Variants in RBMS3 observed in about 807,000 individuals in gnomAD.
The protein encoded by RBMS3 is RNA-binding motif, single-stranded-interacting protein 3.
A neutral mutation model predicts 66.8 loss-of-function variants in RBMS3; 27 were observed. That is an observed-to-expected ratio of 0.40 (90% confidence interval 0.30 to 0.56). The LOEUF is 0.56. RBMS3 is among the 20% of genes least tolerant of loss of function. The pLI is 0.40. For missense variants in RBMS3, 513 were observed against 549.5 expected (o/e 0.93, Z 0.66); for synonymous variants, 188 against 183.0 (o/e 1.03, Z -0.22).
intron 6 of RBMS3, among the ~76,000 whole-genome samples, chr3:29,852,050 C>A (rs139691283): frequency 1.3e-3 from 194 of 152,266 alleles, no homozygotes; most frequent in African/African-American, 4.4e-3. Context: ...TAATCTTCAA[C>A]AAAGCTGACA....
chr3:29,498,401 C>A (rs2148931962), intron 3 of RBMS3, among the ~76,000 whole-genome samples: 1 of 151,900 alleles, frequency 6.6e-6, no homozygotes, highest in East Asian at 1.9e-4. Flanking sequence ...TAATACATGG[C>A]AAATTGTATA....
chr3:29,645,180 T>C (rs1029226696), intron 4 of RBMS3, among the ~76,000 whole-genome samples: 6 of 152,196 alleles, frequency 3.9e-5, no homozygotes, highest in African/African-American at 1.4e-4. Context: ...AGGCTGCATA[T>C]TAAGAGCTTG....
intron 6 of RBMS3, among the ~76,000 whole-genome samples, chr3:29,788,565 A>T (rs927951985): frequency 6.6e-6 from 1 of 152,158 alleles, no homozygotes; most frequent in Non-Finnish European, 1.5e-5. Flanking sequence ...CTGTCACATT[A>T]CTTTTGATGA....
chr3:29,996,545 GAACAGAAATTAT>G (rs1194313629), intron 14 of RBMS3, among the ~76,000 whole-genome samples: 3 of 149,324 alleles, frequency 2.0e-5, no homozygotes, highest in African/African-American at 7.4e-5. Flanking sequence ...AAATGTAAAA[GAACAGAAATTAT>G]AACAAACTAT....
At chr3:29,769,651 A>G (rs1052104253) in intron 6 of RBMS3, among the ~76,000 whole-genome samples, 8 of 151,954 alleles carry the variant, frequency 5.3e-5, no homozygotes, top group African/African-American at 1.9e-4. Flanking sequence ...TGAATTTTCC[A>G]AACCAGAGTA....
chr3:29,712,328 T>A (rs2053207967), intron 4 of RBMS3, among the ~76,000 whole-genome samples: 1 of 152,088 alleles, frequency 6.6e-6, no homozygotes, highest in South Asian at 2.1e-4. Context: ...TTATTATTAT[T>A]TTGAGACAGG....
chr3:29,438,028 T>TTTTCTC lies in RBMS3; in HGVS notation c.248+3114_248+3115insTTCTCT, dbSNP rs146912044. ...AGGTCATTTGTAAAACCTTGCTTGT[T>TTTTCTC]TCTCTCTCTCTCTCTCTCTCTCTCT... On this transcript the variant is annotated intron_variant, in intron 2 of 14. Transcript: ENST00000383767. Among the ~76,000 whole-genome samples the TTTTCTC allele has an allele frequency of 6.3e-3, 904 of 142,546 alleles. 2 individuals carry two copies. The highest frequency in any genetic ancestry group is 8.8e-3 in the Non-Finnish European group (579 of 65,718). 93.5% of individuals were successfully genotyped at this position (142,546 alleles called of 152,430 possible).
At chr3:29,623,436 C>G (rs1252675294) in intron 4 of RBMS3, among the ~76,000 whole-genome samples, 1 of 151,356 alleles carries the variant, frequency 6.6e-6, no homozygotes, top group African/African-American at 2.4e-5. Context: ...ACTAAAAATA[C>G]AAAAAATTAG....
At chr3:29,349,653 G>A (rs553610171) in intron 1 of RBMS3, among the ~76,000 whole-genome samples, 1 of 152,222 alleles carries the variant, frequency 6.6e-6, no homozygotes, top group South Asian at 2.1e-4. Flanking sequence ...AGGCCATTTA[G>A]CTCTCTGTCA....
chr3:29,927,824 C>G (rs2060982095), intron 10 of RBMS3, among the ~76,000 whole-genome samples: 1 of 152,122 alleles, frequency 6.6e-6, no homozygotes, highest in South Asian at 2.1e-4. Context: ...CCAGACCTAC[C>G]TGTAGAAGCC....
intron 4 of RBMS3, chr3:29,642,708 G>A (rs1017179100): frequency 1.7e-4 from 26 of 152,204 alleles, no homozygotes; most frequent in African/African-American, 5.5e-4. Context: ...ATGGTCTCCA[G>A]AATAACTGGG....
intron 3 of RBMS3, among the ~76,000 whole-genome samples, chr3:29,558,096 C>T (rs1220590025): frequency 1.3e-5 from 2 of 152,000 alleles, no homozygotes; most frequent in Non-Finnish European, 2.9e-5. Context: ...AAAGGAGGTG[C>T]CGAGGGAGTC....
At chr3:29,379,621 A>G (rs2038664496) in intron 1 of RBMS3, among the ~76,000 whole-genome samples, 1 of 152,204 alleles carries the variant, frequency 6.6e-6, no homozygotes, top group Admixed American at 6.5e-5. Flanking sequence ...AGCACGGGAA[A>G]GACCTGTCTC....
chr3:29,725,386 T>C (rs1002398934), intron 4 of RBMS3, among the ~76,000 whole-genome samples: 3 of 151,944 alleles, frequency 2.0e-5, no homozygotes, highest in Non-Finnish European at 4.4e-5. Flanking sequence ...CTGAAGGAGA[T>C]AGAGACATGA....
rs1699748781 is a variant in RBMS3, at chr3:30,004,590, C to A, written c.*728C>A. On this transcript the variant is annotated 3_prime_UTR_variant, in exon 15 of 15. Transcript: ENST00000383767. ...ATTTGAAGAAAATTTGTTGATAAAC[C>A]ATGGCAACTGCAAGAATTGGAAAAA... is the stretch of plus-strand genomic sequence containing the variant. The A allele has an allele frequency of 6.6e-6, 1 of 151,954 alleles. No individual in the cohort carries two copies. The highest frequency in any genetic ancestry group is 6.6e-5 in the Admixed American group (1 of 15,152). 9.4% of individuals were successfully genotyped at this position (151,954 alleles called of 1,614,324 possible). A position where few individuals can be genotyped will look rare whatever the true frequency, so the allele number is the denominator to read the frequency against.
intron 4 of RBMS3, among the ~76,000 whole-genome samples, chr3:29,737,067 C>T (rs2054413332): frequency 6.6e-6 from 1 of 152,044 alleles, no homozygotes; most frequent in South Asian, 2.1e-4. Context: ...AGCTCCGCCT[C>T]CCGGGTTCAC....
At chr3:29,950,559 C>T (rs1031706581) in intron 12 of RBMS3, among the ~76,000 whole-genome samples, 1 of 151,826 alleles carries the variant, frequency 6.6e-6, no homozygotes, top group Non-Finnish European at 1.5e-5. Flanking sequence ...TATGATTCAG[C>T]CCTTGCCAGA....
chr3:29,944,086 A>T, intron 11 of RBMS3, 121 bp from the exon 12 acceptor site: 1 of 771,242 alleles, frequency 1.3e-6, no homozygotes, highest in South Asian at 1.6e-5. Flanking sequence ...TACTGCTCTA[A>T]GGCAGGGTGG....
At chr3:29,720,112 T>G (rs1191821225) in intron 4 of RBMS3, among the ~76,000 whole-genome samples, 10 of 128,682 alleles carry the variant, frequency 7.8e-5, no homozygotes, top group Non-Finnish European at 1.6e-4. Context: ...ACCCGCTAGC[T>G]CCCTCTGTTG....
Sources: gnomAD v4.1 joint callset for allele counts (sites outside exome capture counted in the v4.1 genomes callset) on GRCh38, gnomAD v4.1.1 for gene constraint, MANE v1.5 for transcripts, NCBI Gene and HGNC (gene_info 2026-07-23, HGNC 2026-07-21) for gene names.